The following ARHGEF11 variants were observed in gnomAD, a reference collection of about 807,000 sequenced individuals.
ARHGEF11 encodes the protein Rho guanine nucleotide exchange factor 11.
In ARHGEF11, 55 loss-of-function variants were observed where a neutral mutation model predicts 193.7. The observed-to-expected ratio is 0.28, with a 90% CI of 0.23 to 0.36. ARHGEF11 has a LOEUF of 0.36. Among genes scored for constraint, ARHGEF11 ranks in the 10% least tolerant of loss-of-function variants. ARHGEF11 has a pLI of 1.00. For missense variants in ARHGEF11, 1,723 were observed against 2,005.6 expected (o/e 0.86, Z 2.69); for synonymous variants, 693 against 768.0 (o/e 0.90, Z 1.62).
chr1:156,979,024 C>T lies in ARHGEF11; in HGVS notation c.331+205G>A, dbSNP rs576582933. ...AAAAATGAAGATGTCTCATGAGAGC[C>T]TAGTACTGTCTCCACTTGAAGTAAT... On this transcript the variant is annotated intron_variant, in intron 5 of 40. Coordinates refer to ENST00000368194, the MANE Select transcript of ARHGEF11 (RefSeq NM_198236.3). Among the ~76,000 whole-genome samples the T allele has an allele frequency of 1.1e-3, 160 of 152,324 alleles. 1 individual carries two copies. Among genetic ancestry groups the T allele is most frequent in the African/African-American group, 3.7e-3 (154 of 41,560 alleles).
chr1:156,979,644 G>A (rs570315519), intron 4 of ARHGEF11, among the ~76,000 whole-genome samples: 14 of 152,308 alleles, frequency 9.2e-5, no homozygotes, highest in Admixed American at 3.9e-4. Context: ...GATTACAGGC[G>A]TGAGCCACTG....
chr1:157,017,213 C>G (rs1669354337), intron 1 of ARHGEF11, among the ~76,000 whole-genome samples: 1 of 152,162 alleles, frequency 6.6e-6, no homozygotes, highest in Non-Finnish European at 1.5e-5. Flanking sequence ...CCTTCCAGAA[C>G]AGCAGGGTCT....
rs1571258598 is a variant in ARHGEF11, at chr1:156,961,502, G to A, written c.1239+175C>T. Among the ~76,000 whole-genome samples, 3 of 152,174 alleles carry A rather than the reference G, an allele frequency of 2.0e-5. No individual in the cohort carries two copies. The South Asian group carries it at 6.2e-4, about 32-fold the overall frequency. On this transcript the variant is annotated intron_variant, in intron 14 of 40. Coordinates refer to ENST00000368194, the MANE Select transcript of ARHGEF11 (RefSeq NM_198236.3). ...CTATATGTGGAACAACAGAGGTACTGTGAGATTTTTTGAGAGTGGCGCTAG... is the reference window on the plus strand; with the variant it reads ...CTATATGTGGAACAACAGAGGTACTATGAGATTTTTTGAGAGTGGCGCTAG...
chr1:156,976,865 G>A, intron 7 of ARHGEF11, 118 bp downstream of exon 7: 1 of 864,910 alleles, frequency 1.2e-6, no homozygotes. Context: ...TTTATTTTTT[G>A]AGGTTTTACT....
chr1:156,945,253 G>A, intron 29 of ARHGEF11, 56 bp from the exon 30 acceptor site: 2 of 1,563,324 alleles, frequency 1.3e-6, no homozygotes, highest in Non-Finnish European at 1.7e-6. Context: ...GTCCAACATG[G>A]CGCCAGCTGT....
intron 38 of ARHGEF11, 27 bp from the exon 39 acceptor site, chr1:156,937,523 C>T: frequency 6.6e-6 from 10 of 1,507,262 alleles, no homozygotes; most frequent in Non-Finnish European, 8.0e-6. Flanking sequence ...AGAATGAGAT[C>T]AGGAGGCAAA....
intron 30 of ARHGEF11, among the ~76,000 whole-genome samples, chr1:156,944,815 G>T (rs1657815151): frequency 6.6e-6 from 1 of 152,196 alleles, no homozygotes. Context: ...CCAACATCTA[G>T]TCTTTCTTAG....
intron 7 of ARHGEF11, among the ~76,000 whole-genome samples, chr1:156,975,906 C>A (rs1199329591): frequency 6.6e-6 from 1 of 152,174 alleles, no homozygotes; most frequent in Non-Finnish European, 1.5e-5. Context: ...CATGTGAATT[C>A]TATTCCATTC....
At chr1:156,946,345 C>T (rs1658113870) in intron 28 of ARHGEF11, among the ~76,000 whole-genome samples, 183 bp from the exon 29 acceptor site, 1 of 152,146 alleles carries the variant, frequency 6.6e-6, no homozygotes, top group South Asian at 2.1e-4. Flanking sequence ...GGCAGGGAGA[C>T]ACCAATCCAA....
chr1:156,963,389 C>T, intron 12 of ARHGEF11, 85 bp from the exon 13 acceptor site: 1 of 1,498,920 alleles, frequency 6.7e-7, no homozygotes. Flanking sequence ...GATTCCCCGT[C>T]CTGGGTTCAT....
chr1:156,955,499 C>A (rs1045731113), intron 20 of ARHGEF11, among the ~76,000 whole-genome samples: 3 of 152,152 alleles, frequency 2.0e-5, no homozygotes, highest in Admixed American at 6.5e-5. Flanking sequence ...CAGGGACCGG[C>A]ACGGCTTCCC....
Position 156,948,114 on chromosome 1 carries a change from A to G in ARHGEF11, c.2153+67T>C. 1 of 1,538,534 alleles carries G rather than the reference A, an allele frequency of 6.5e-7. No individual in the cohort carries two copies. Among genetic ancestry groups the G allele is most frequent in the Non-Finnish European group, 8.8e-7 (1 of 1,139,038 alleles). ...ACCCAACCAGCCCCTTGCAGGTGAG[A>G]GGAGCAGCTGGGTGTGGATGGGACA... is the stretch of plus-strand genomic sequence containing the variant. On this transcript the variant is annotated intron_variant, in intron 24 of 40. Transcript: ENST00000368194. The surrounding 1 kb of genome is among the most constrained non-coding windows in gnomAD (Gnocchi z 4.2).
chr1:156,951,879 C>T (rs1229478367), intron 21 of ARHGEF11, among the ~76,000 whole-genome samples, 180 bp from the exon 22 acceptor site: 1 of 152,062 alleles, frequency 6.6e-6, no homozygotes, highest in African/African-American at 2.4e-5. Context: ...GCTGTGTGGC[C>T]CTGGGCAGTC....
At position 156,948,643 on chromosome 1, in the gene ARHGEF11, G is replaced by A; in HGVS notation, c.1926-145C>T. On this transcript the variant is annotated intron_variant, in intron 22 of 40. Transcript: ENST00000368194. The surrounding 1 kb of genome is among the most constrained non-coding windows in gnomAD (Gnocchi z 4.2). ...CTGAACATGGCCAAAGCAGCTGGAT[G>A]GCAGTGGAAGCTTCTCAATGACAGA... 1 of 1,564,956 alleles carries A rather than the reference G, an allele frequency of 6.4e-7. No homozygotes were observed. The highest frequency in any genetic ancestry group is 8.6e-7 in the Non-Finnish European group (1 of 1,159,982).
At chr1:156,993,123 G>C (rs1039428589) in intron 1 of ARHGEF11, among the ~76,000 whole-genome samples, 13 of 152,334 alleles carry the variant, frequency 8.5e-5, no homozygotes, top group Middle Eastern at 3.4e-3. Context: ...AAAGTCTGGT[G>C]AAACAGGTAG....
In ARHGEF11 at chr1:157,035,831, T is replaced by TAGGAATATATATATA. The variant is rs112484927; in HGVS notation, c.32+8467_32+8468insTATATATATATTCCT. On this transcript the variant is annotated intron_variant, in intron 1 of 40. Transcript: ENST00000368194. ...GAATATATATATAGGAATATATATA[T>TAGGAATATATATATA]GGAATATATATATGTATATATTTAG... Among the ~76,000 whole-genome samples the TAGGAATATATATATA allele has an allele frequency of 3.2e-3, 208 of 65,780 alleles. 24 individuals carry two copies. The highest frequency in any genetic ancestry group is 0.013 in the Middle Eastern group (1 of 80). 43.2% of individuals were successfully genotyped at this position (65,780 alleles called of 152,430 possible). A position where few individuals can be genotyped will look rare whatever the true frequency, so the allele number is the denominator to read the frequency against.
At chr1:157,012,954 G>C (rs575181338) in intron 1 of ARHGEF11, among the ~76,000 whole-genome samples, 2 of 152,314 alleles carry the variant, frequency 1.3e-5, no homozygotes, top group South Asian at 2.1e-4. Flanking sequence ...GCACAAGCCA[G>C]ATTTCCCTTC....
intron 20 of ARHGEF11, among the ~76,000 whole-genome samples, chr1:156,955,231 T>A (rs1345052019): frequency 1.3e-5 from 2 of 152,090 alleles, no homozygotes; most frequent in Admixed American, 1.3e-4. Flanking sequence ...CAGTTGAGTT[T>A]TGGGTTACTG....
chr1:157,045,981 G>A (rs939275119), upstream of ARHGEF11, among the ~76,000 whole-genome samples: 4 of 150,588 alleles, frequency 2.7e-5, no homozygotes, highest in South Asian at 8.3e-4. Flanking sequence ...GAAGCTGACC[G>A]CCTTTCCCTG....
Sources: allele counts gnomAD v4.1 joint callset (sites outside exome capture counted in the v4.1 genomes callset), GRCh38; gene constraint gnomAD v4.1.1; non-coding constraint Gnocchi (gnomAD v3.1); transcripts MANE v1.5; gene names NCBI Gene and HGNC (gene_info 2026-07-23, HGNC 2026-07-21).